PDSS2: variants seen among roughly 807,000 people sequenced by gnomAD.
The protein encoded by PDSS2 is all trans-polyprenyl-diphosphate synthase PDSS2.
PDSS2 carries 31 observed loss-of-function variants against 44.5 expected under a neutral mutation model. That is an observed-to-expected ratio of 0.70 (90% CI 0.52 to 0.94). The LOEUF (loss-of-function observed/expected upper bound fraction) is 0.94. Among genes scored for constraint, PDSS2 ranks in the 40% least tolerant of loss-of-function variants. PDSS2 has a pLI of 0.00. For synonymous variants in PDSS2, 157 were observed against 180.3 expected (o/e 0.87, Z 1.03); for missense variants, 452 against 482.2 (o/e 0.94, Z 0.59).
At chr6:107,392,599 T>C (rs1779817629) in intron 1 of PDSS2, among the ~76,000 whole-genome samples, 1 of 152,218 alleles carries the variant, frequency 6.6e-6, no homozygotes, top group Non-Finnish European at 1.5e-5. Flanking sequence ...TCTGAACTTT[T>C]AATGCATAAA....
intron 6 of PDSS2, among the ~76,000 whole-genome samples, chr6:107,198,800 TAACAACAACAACAACAACAACAAC>T (rs35128756): frequency 6.7e-6 from 1 of 149,306 alleles, no homozygotes; most frequent in Admixed American, 6.7e-5. Context: ...CTACAAACAA[TAACAACAACAACAACAACAACAAC>T]AACAACAACA....
chr6:107,264,154 A>C, intron 3 of PDSS2: 1 of 739,940 alleles, frequency 1.4e-6, no homozygotes, highest in Non-Finnish European at 1.8e-6. Context: ...ATTTGGAAGT[A>C]AAATTACTAT....
At chr6:107,270,527 T>C (rs1775567112) in intron 3 of PDSS2, among the ~76,000 whole-genome samples, 1 of 152,212 alleles carries the variant, frequency 6.6e-6, no homozygotes, top group Admixed American at 6.5e-5. Context: ...TTCAGATATT[T>C]GTAAATTTTG....
At chr6:107,458,872 G>T (rs1782144687) in intron 1 of PDSS2, 118 bp downstream of exon 1, 2 of 861,920 alleles carry the variant, frequency 2.3e-6, no homozygotes, top group Non-Finnish European at 3.8e-6. Flanking sequence ...GAGTAAAAAG[G>T]AAGGACTAAA....
chr6:107,219,231 C>T (rs925701593), intron 4 of PDSS2, among the ~76,000 whole-genome samples: 1 of 152,132 alleles, frequency 6.6e-6, no homozygotes, highest in African/African-American at 2.4e-5. Context: ...CTGAATTTAA[C>T]ACACAGGGGA....
At chr6:107,416,950 C>T (rs1470560463) in intron 1 of PDSS2, among the ~76,000 whole-genome samples, 4 of 151,742 alleles carry the variant, frequency 2.6e-5, no homozygotes, top group South Asian at 4.2e-4. Flanking sequence ...CTTATCTGGG[C>T]GGGTGCAGTG....
At chr6:107,340,289 T>C (rs1778041703) in intron 1 of PDSS2, among the ~76,000 whole-genome samples, 1 of 152,204 alleles carries the variant, frequency 6.6e-6, no homozygotes, top group South Asian at 2.1e-4. Flanking sequence ...TAAACACTAA[T>C]AACACTAATA....
chr6:107,356,521 A>G (rs984151615), intron 1 of PDSS2, among the ~76,000 whole-genome samples: 1 of 152,226 alleles, frequency 6.6e-6, no homozygotes, highest in Admixed American at 6.5e-5. Flanking sequence ...ACCTGTTAAT[A>G]TACTGTCTCC....
intron 7 of PDSS2, among the ~76,000 whole-genome samples, chr6:107,183,525 C>A (rs749892098): frequency 6.6e-4 from 101 of 152,058 alleles, no homozygotes; most frequent in Non-Finnish European, 1.3e-3. Flanking sequence ...TGGTGAAACC[C>A]CATCTCTACT....
At chr6:107,229,750 A>G (rs947381231) in intron 4 of PDSS2, 1 of 152,224 alleles carries the variant, frequency 6.6e-6, no homozygotes, top group African/African-American at 2.4e-5. Context: ...AGGATCTACT[A>G]TCATCAGGAA....
Position 107,328,759 on chromosome 6 carries a change from G to A in PDSS2, c.431+5439C>T, listed in dbSNP as rs114497220. Among the ~76,000 whole-genome samples, 349 of 152,246 alleles carry A rather than the reference G, an allele frequency of 2.3e-3. 1 individual carries two copies. The highest frequency in any genetic ancestry group is 8.0e-3 in the African/African-American group (334 of 41,542). ...TCTCAGAGTCATGATACATAAATCC[G>A]TACCTAACTCCTAAGAATTCTCAAA... is the stretch of plus-strand genomic sequence containing the variant. On this transcript the variant is annotated intron_variant, in intron 2 of 7. Coordinates refer to ENST00000369037, the MANE Select transcript of PDSS2 (RefSeq NM_020381.4).
chr6:107,300,084 C>T (rs950087616), intron 2 of PDSS2, among the ~76,000 whole-genome samples: 9 of 152,198 alleles, frequency 5.9e-5, no homozygotes, highest in Non-Finnish European at 1.3e-4. Flanking sequence ...ACCCTACTAA[C>T]TGTTGGATGT....
At chr6:107,434,307 T>C (rs957749578) in intron 1 of PDSS2, among the ~76,000 whole-genome samples, 1 of 152,220 alleles carries the variant, frequency 6.6e-6, no homozygotes, top group Admixed American at 6.5e-5. Flanking sequence ...TATACTCCCA[T>C]GTTTACTGCA....
intron 5 of PDSS2, 81 bp from the exon 6 acceptor site, chr6:107,210,651 T>C: frequency 1.1e-6 from 1 of 924,986 alleles, no homozygotes; most frequent in Non-Finnish European, 1.8e-6. Context: ...AAGTACCAGT[T>C]AATGCAGTGA....
chr6:107,445,854 G>A (rs2114828742), intron 1 of PDSS2, among the ~76,000 whole-genome samples: 1 of 152,204 alleles, frequency 6.6e-6, no homozygotes, highest in Admixed American at 6.5e-5. Flanking sequence ...ACTTGCCTGG[G>A]GATCACACGG....
At chr6:107,393,971 C>T (rs1427121511) in intron 1 of PDSS2, among the ~76,000 whole-genome samples, 1 of 152,196 alleles carries the variant, frequency 6.6e-6, no homozygotes, top group Non-Finnish European at 1.5e-5. Context: ...TTCTTATAGA[C>T]AGCCAAGAGT....
At chr6:107,385,642 A>T (rs1779588209) in intron 1 of PDSS2, among the ~76,000 whole-genome samples, 1 of 152,210 alleles carries the variant, frequency 6.6e-6, no homozygotes, top group Admixed American at 6.5e-5. Flanking sequence ...GTTTCAGTTG[A>T]AGTAATACTA....
intron 1 of PDSS2, among the ~76,000 whole-genome samples, chr6:107,346,757 GA>G (rs1176041237): frequency 6.6e-6 from 1 of 152,168 alleles, no homozygotes; most frequent in African/African-American, 2.4e-5. Context: ...AAGTAAAAAG[GA>G]ACAATAAATT....
chr6:107,261,562 G>A (rs1429065561), intron 3 of PDSS2, among the ~76,000 whole-genome samples: 1 of 148,224 alleles, frequency 6.7e-6, no homozygotes, highest in Non-Finnish European at 1.5e-5. Flanking sequence ...CCCAGTCTCA[G>A]GTATTTCTTT....
Sources: gnomAD v4.1 joint callset for allele counts (sites outside exome capture counted in the v4.1 genomes callset) on GRCh38, gnomAD v4.1.1 for gene constraint, MANE v1.5 for transcripts, NCBI Gene and HGNC (gene_info 2026-07-23, HGNC 2026-07-21) for gene names.